CCZ1: variants seen among roughly 807,000 people sequenced by gnomAD.
CCZ1 encodes the protein vacuolar fusion protein CCZ1 homolog.
Under a neutral mutation model 57.8 loss-of-function variants are expected in CCZ1, and 19 were observed. The observed-to-expected ratio is 0.33, with a 90% confidence interval of 0.23 to 0.48. The LOEUF is 0.48. Among genes scored for constraint, CCZ1 ranks in the 20% least tolerant of loss-of-function variants. The probability of loss-of-function intolerance (pLI) is 0.99; values close to 1 mark genes in which losing one functional copy is unlikely to be tolerated. For synonymous variants in CCZ1, 81 were observed against 167.0 expected (o/e 0.49, Z 3.97); for missense variants, 200 against 492.0 (o/e 0.41, Z 5.61).
In CCZ1 at chr7:5,905,781, CAAAAAAAAAAAAAAAA is replaced by C. The variant is rs796636886; in HGVS notation, c.698+523_698+538del. ...TGGCAACAGAGAGAGACTCTGTCTC[CAAAAAAAAAAAAAAAA>C]AAAAAAAAAAGAGAAAATGTTCCTA... On this transcript the variant is annotated intron_variant, in intron 7 of 14. Coordinates refer to ENST00000325974, the MANE Select transcript of CCZ1 (RefSeq NM_015622.6). Among the ~76,000 whole-genome samples, 3 of 44,372 alleles carry C rather than the reference CAAAAAAAAAAAAAAAA, an allele frequency of 6.8e-5. 1 individual carries two copies. Among genetic ancestry groups the C allele is most frequent in the South Asian group, 4.3e-3 (2 of 460 alleles). 29.1% of individuals were successfully genotyped at this position (44,372 alleles called of 152,430 possible). A position where few individuals can be genotyped will look rare whatever the true frequency, so the allele number is the denominator to read the frequency against.
chr7:5,911,309 G>A lies in CCZ1; in HGVS notation c.781-552G>A, dbSNP rs201654461. On this transcript the variant is annotated intron_variant, in intron 8 of 14. Coordinates refer to ENST00000325974, the MANE Select transcript of CCZ1 (RefSeq NM_015622.6). ...TTGAACTCACTCTCTTCGCTTGTTC[G>A]TTCCCTCCCTCTTGTCCTCCTGCTT... 3.4e-5 allele frequency among the ~76,000 whole-genome samples: 5 copies of A among 148,750 alleles called. 2 individuals carry two copies. The highest frequency in any genetic ancestry group is 4.4e-4 in the East Asian group (2 of 4,520).
At position 5,900,152 on chromosome 7, in the gene CCZ1, T is replaced by C. The variant is rs190415522; in HGVS notation, c.121-132T>C. On this transcript the variant is annotated intron_variant, in intron 1 of 14. Coordinates refer to ENST00000325974, the MANE Select transcript of CCZ1 (RefSeq NM_015622.6). ...ATACTAGGATTACAATTCCTGTTTT[T>C]CTAAAACCGGTTTTTGTTTTGTTTT... 4.1e-4 allele frequency: 511 copies of C among 1,238,460 alleles called. 8 individuals carry two copies. The African/African-American group carries it at 7.1e-3, about 17-fold the overall frequency. 76.7% of individuals were successfully genotyped at this position (1,238,460 alleles called of 1,614,324 possible). A position where few individuals can be genotyped will look rare whatever the true frequency, so the allele number is the denominator to read the frequency against.
chr7:5,906,323 C>CT (rs398066572), intron 7 of CCZ1, among the ~76,000 whole-genome samples: 43,683 of 127,618 alleles, frequency 0.34, 8,535 homozygotes, highest in East Asian at 0.71. Flanking sequence ...TTCTTTCTTT[C>CT]TTTTTTTTTT....
intron 7 of CCZ1, among the ~76,000 whole-genome samples, chr7:5,907,343 C>A (rs1200227753): frequency 6.7e-6 from 1 of 149,442 alleles, no homozygotes. Flanking sequence ...GGCTCCTCCA[C>A]AGATGGAAAT....
chr7:5,925,994 C>G lies in CCZ1; in HGVS notation c.*307C>G, dbSNP rs1236421254. ...TTAAAATTCTGGTTTGGTGTTGAGT[C>G]TCTCTCCTGCTGCCTATTTATAGAT... On this transcript the variant is annotated 3_prime_UTR_variant, in exon 15 of 15. Transcript: ENST00000325974. 1 of 499,560 alleles carries G rather than the reference C, an allele frequency of 2.0e-6. No homozygotes were observed. The highest frequency in any genetic ancestry group is 3.7e-6 in the Non-Finnish European group (1 of 270,610). 30.9% of individuals were successfully genotyped at this position (499,560 alleles called of 1,614,324 possible). A position where few individuals can be genotyped will look rare whatever the true frequency, so the allele number is the denominator to read the frequency against.
At position 5,908,245 on chromosome 7, in the gene CCZ1, G is replaced by C. The variant is rs1400562080; in HGVS notation, c.699-1790G>C. ...CTGGGGAGGAGGAGGCAGAAGGATC[G>C]CTTGAGCCAGGAGTTACTTGGAGAC... On this transcript the variant is annotated intron_variant, in intron 7 of 14. Transcript: ENST00000325974. 2.1e-5 allele frequency among the ~76,000 whole-genome samples: 3 copies of C among 139,858 alleles called. 1 individual carries two copies. The East Asian group carries it at 7.1e-4, about 33-fold the overall frequency. 91.8% of individuals were successfully genotyped at this position (139,858 alleles called of 152,430 possible).
At chr7:5,910,836 A>C (rs1351134172) in intron 8 of CCZ1, among the ~76,000 whole-genome samples, 1 of 147,206 alleles carries the variant, frequency 6.8e-6, no homozygotes, top group Non-Finnish European at 1.5e-5. Flanking sequence ...CCTGGATTCA[A>C]ACAATTCTCC....
intron 12 of CCZ1, among the ~76,000 whole-genome samples, chr7:5,921,218 C>T (rs867455193): frequency 0.026 from 3,405 of 131,370 alleles, 64 homozygotes; most frequent in Non-Finnish European, 0.039. Context: ...CGTGAGCCAC[C>T]GCGCCCGGCC....
At chr7:5,902,531 T>C (rs67211807) in intron 5 of CCZ1, 130 bp from the exon 6 acceptor site, 204,426 of 1,345,276 alleles carry the variant, frequency 0.15, 22,472 homozygotes, top group East Asian at 0.64. Context: ...CATGTAAATA[T>C]TCTCTGTTGG....
intron 7 of CCZ1, among the ~76,000 whole-genome samples, chr7:5,907,139 G>A (rs1469694953): frequency 3.3e-5 from 5 of 149,820 alleles, no homozygotes; most frequent in Admixed American, 6.6e-5. Flanking sequence ...GATTACAGGT[G>A]TGAGCCACTG....
chr7:5,905,781 C>CAAAAAAAAA (rs796636886), intron 7 of CCZ1, among the ~76,000 whole-genome samples: 1 of 44,372 alleles, frequency 2.3e-5, no homozygotes, highest in Non-Finnish European at 4.1e-5. Flanking sequence ...ACTCTGTCTC[C>CAAAAAAAAA]AAAAAAAAAA....
Position 5,910,040 on chromosome 7 carries a change from G to A in CCZ1, c.704G>A (p.Gly235Glu), listed in dbSNP as rs1378027431. 1 of 1,601,588 alleles carries A rather than the reference G, an allele frequency of 6.2e-7. No individual in the cohort carries two copies. The highest frequency in any genetic ancestry group is 8.5e-7 in the Non-Finnish European group (1 of 1,171,412). The change falls in exon 8 of 15, where the codon GGA (glycine) becomes GAA (glutamate). Residue 235 changes from glycine to glutamate, a missense_variant. Physicochemically the swap from Gly to Glu is moderately conservative, Grantham distance 98. Coordinates refer to ENST00000325974, the MANE Select transcript of CCZ1 (RefSeq NM_015622.6). ...FLYNDQLIWS[G>E]LEQDDMRILY... ...GTGCTTTTCTGTTGTTGCAGGAGTG[G>A]ATTAGAACAAGATGACATGAGAATT...
At chr7:5,901,841 C>G in intron 5 of CCZ1, 137 bp downstream of exon 5, 3 of 832,660 alleles carry the variant, frequency 3.6e-6, no homozygotes, top group Non-Finnish European at 3.6e-6. Flanking sequence ...ATAATGAGGC[C>G]TTTGAAACAG....
At chr7:5,906,643 G>A (rs1173325939) in intron 7 of CCZ1, among the ~76,000 whole-genome samples, 1 of 148,834 alleles carries the variant, frequency 6.7e-6, no homozygotes, top group Non-Finnish European at 1.5e-5. Flanking sequence ...TCTTAATTAG[G>A]GGTGTGGCCA....
Position 5,902,754 on chromosome 7 carries a change from T to G in CCZ1, c.522+10T>G, listed in dbSNP as rs1441889698. On this transcript the variant is annotated intron_variant, in intron 6 of 14. Coordinates refer to ENST00000325974, the MANE Select transcript of CCZ1 (RefSeq NM_015622.6). The stretch of plus-strand genomic sequence containing the variant: ...GAAATTCTTCCATCGGGTAAGTATT[T>G]TGAATTTCATTTATAACTTTAGTAA... The G allele has an allele frequency of 2.5e-6, 4 of 1,589,420 alleles. 1 individual carries two copies. Among genetic ancestry groups the G allele is most frequent in the African/African-American group, 2.7e-5 (2 of 72,990 alleles).
intron 8 of CCZ1, among the ~76,000 whole-genome samples, chr7:5,910,517 C>CG (rs1562541823): frequency 6.8e-6 from 1 of 146,528 alleles, no homozygotes; most frequent in Non-Finnish European, 1.5e-5. Context: ...TTAGTAGAGA[C>CG]AGGTTTCACT....
chr7:5,907,744 G>A (rs1373647090), intron 7 of CCZ1, among the ~76,000 whole-genome samples: 3 of 137,380 alleles, frequency 2.2e-5, no homozygotes, highest in East Asian at 2.7e-4. Flanking sequence ...GAACTGTTCT[G>A]TTGTCACCTC....
intron 8 of CCZ1, among the ~76,000 whole-genome samples, chr7:5,910,719 TTTATTTATTTATTTATTTA>T (rs1781954134): frequency 1.1e-5 from 1 of 91,404 alleles, no homozygotes; most frequent in African/African-American, 4.3e-5. Flanking sequence ...TATTTATTTA[TTTATTTATTTATTTATTTA>T]TTTATTTATT....
intron 7 of CCZ1, among the ~76,000 whole-genome samples, chr7:5,908,228 G>T (rs951495703): frequency 7.0e-6 from 1 of 142,024 alleles, no homozygotes; most frequent in African/African-American, 2.7e-5. Context: ...TACTGGGGAG[G>T]AGGAGGCAGA....
Sources: gnomAD v4.1 joint callset for allele counts (sites outside exome capture counted in the v4.1 genomes callset) on GRCh38, gnomAD v4.1.1 for gene constraint, MANE v1.5 for transcripts, NCBI Gene and HGNC (gene_info 2026-07-23, HGNC 2026-07-21) for gene names.